Variants in RAVER2 observed in about 807,000 individuals in gnomAD.
RAVER2 encodes ribonucleoprotein, PTB binding 2.
In RAVER2, 46 loss-of-function variants were observed where a neutral mutation model predicts 78.1. That is an observed-to-expected ratio of 0.59 (90% confidence interval 0.46 to 0.75). The LOEUF (loss-of-function observed/expected upper bound fraction) is 0.75. RAVER2 is among the 30% of genes least tolerant of loss of function. The probability of loss-of-function intolerance (pLI) is 0.00; values close to 1 mark genes in which losing one functional copy is unlikely to be tolerated. For missense variants in RAVER2, 793 were observed against 837.5 expected (o/e 0.95, Z 0.66); for synonymous variants, 311 against 313.3 (o/e 0.99, Z 0.08).
chr1:64,787,283 A>G (rs1652807919), intron 4 of RAVER2, among the ~76,000 whole-genome samples: 2 of 152,136 alleles, frequency 1.3e-5, no homozygotes. Context: ...ATGTATGAAT[A>G]TACATTTCCT....
chr1:64,800,232 A>G (rs950039306), intron 5 of RAVER2, among the ~76,000 whole-genome samples: 4 of 151,952 alleles, frequency 2.6e-5, no homozygotes, highest in Admixed American at 2.6e-4. Flanking sequence ...CCATTCTACA[A>G]GTTGTACGTG....
chr1:64,809,541 A>C (rs536086360), intron 9 of RAVER2, among the ~76,000 whole-genome samples: 19 of 150,966 alleles, frequency 1.3e-4, no homozygotes, highest in African/African-American at 3.9e-4. Context: ...TTGGACCCCA[A>C]CTCCAACCTT....
At chr1:64,782,859 T>G (rs1226214771) in intron 4 of RAVER2, among the ~76,000 whole-genome samples, 1 of 152,168 alleles carries the variant, frequency 6.6e-6, no homozygotes, top group East Asian at 1.9e-4. Context: ...TGGGCATTTC[T>G]CCCAATGCTA....
At chr1:64,818,065 C>G (rs1653795753) in intron 11 of RAVER2, among the ~76,000 whole-genome samples, 2 of 152,150 alleles carry the variant, frequency 1.3e-5, no homozygotes, top group Non-Finnish European at 2.9e-5. Flanking sequence ...AGTAATATCT[C>G]AGAGAAACTG....
intron 4 of RAVER2, among the ~76,000 whole-genome samples, chr1:64,782,474 C>T (rs763715670): frequency 1.4e-4 from 21 of 152,234 alleles, no homozygotes; most frequent in African/African-American, 3.9e-4. Context: ...AGTGTGACAA[C>T]GAATGGATGA....
chr1:64,797,754 C>G lies in RAVER2; in HGVS notation c.1106-5222C>G, dbSNP rs534849873. On this transcript the variant is annotated intron_variant, in intron 5 of 11. Coordinates refer to ENST00000294428, the Ensembl canonical transcript of RAVER2. ...ACCAGCTTTTAAAAATTAATATCAC[C>G]GTATCTATCTATATCTATATGTTTA... 2.0e-5 allele frequency among the ~76,000 whole-genome samples: 3 copies of G among 151,928 alleles called. No homozygotes were observed. The South Asian group carries it at 6.3e-4, about 32-fold the overall frequency.
intron 1 of RAVER2, among the ~76,000 whole-genome samples, chr1:64,767,685 A>G (rs986799521): frequency 6.6e-6 from 1 of 152,020 alleles, no homozygotes; most frequent in African/African-American, 2.4e-5. Context: ...TGCATCTGTT[A>G]TGTATTATGA....
intron 2 of RAVER2, among the ~76,000 whole-genome samples, chr1:64,773,491 C>A (rs1303024735): frequency 1.3e-5 from 2 of 152,266 alleles, no homozygotes; most frequent in Admixed American, 1.3e-4. Flanking sequence ...TCATCCATGT[C>A]CCTGCAAAGG....
chr1:64,806,214 C>T (rs1557601515), intron 8 of RAVER2, among the ~76,000 whole-genome samples: 1 of 151,944 alleles, frequency 6.6e-6, no homozygotes, highest in Non-Finnish European at 1.5e-5. Context: ...TTTTATTTGC[C>T]AGCCTGGGCA....
intron 1 of RAVER2, among the ~76,000 whole-genome samples, chr1:64,747,514 C>T (rs1268421651): frequency 9.7e-5 from 14 of 144,140 alleles, no homozygotes; most frequent in Admixed American, 9.1e-4. Flanking sequence ...TTCTTTCTTT[C>T]TTTTTTTTTT....
chr1:64,792,280 C>T (rs1394801203), intron 5 of RAVER2, among the ~76,000 whole-genome samples: 2 of 152,134 alleles, frequency 1.3e-5, no homozygotes, highest in Non-Finnish European at 2.9e-5. Flanking sequence ...TCTGGGTTGT[C>T]CCAAAATATG....
chr1:64,752,703 T>C (rs1227614837), intron 1 of RAVER2, among the ~76,000 whole-genome samples: 1 of 152,160 alleles, frequency 6.6e-6, no homozygotes, highest in Non-Finnish European at 1.5e-5. Context: ...TCGAGAGGGA[T>C]TGGTTAAAGA....
chr1:64,748,278 C>A (rs1036787423), intron 1 of RAVER2, among the ~76,000 whole-genome samples: 8 of 152,226 alleles, frequency 5.3e-5, no homozygotes, highest in African/African-American at 1.4e-4. Context: ...GTTTTCACAG[C>A]CTCAGCTCTG....
chr1:64,789,825 T>A lies in RAVER2; in HGVS notation c.1105+311T>A, dbSNP rs564001424. Among the ~76,000 whole-genome samples the A allele has an allele frequency of 4.6e-5, 7 of 152,326 alleles. No homozygotes were observed. The South Asian group carries it at 1.4e-3, about 32-fold the overall frequency. On this transcript the variant is annotated intron_variant, in intron 5 of 11. Coordinates refer to ENST00000294428, the Ensembl canonical transcript of RAVER2. ...CCAAGGTAAAGGTTAACACACTACA[T>A]TGTTATAACCTATATTAACAAAGAA...
chr1:64,750,102 GAT>G (rs747245085), intron 1 of RAVER2, among the ~76,000 whole-genome samples: 1 of 152,070 alleles, frequency 6.6e-6, no homozygotes, highest in Non-Finnish European at 1.5e-5. Flanking sequence ...TGTCACTTTG[GAT>G]ATTATAAACT....
chr1:64,754,348 A>T (rs551914167), intron 1 of RAVER2, among the ~76,000 whole-genome samples: 95 of 152,328 alleles, frequency 6.2e-4, no homozygotes, highest in African/African-American at 2.2e-3. Context: ...GGCAAGGATC[A>T]TGTTGTGTTT....
intron 4 of RAVER2, among the ~76,000 whole-genome samples, chr1:64,783,891 A>G (rs928103936): frequency 1.3e-5 from 2 of 152,208 alleles, no homozygotes; most frequent in Non-Finnish European, 2.9e-5. Flanking sequence ...TAACCATGCA[A>G]CCGGTTGCCT....
intron 3 of RAVER2, among the ~76,000 whole-genome samples, chr1:64,780,731 AGT>A (rs1377641494): frequency 6.6e-6 from 1 of 152,196 alleles, no homozygotes; most frequent in East Asian, 1.9e-4. Flanking sequence ...CCAGGACTTT[AGT>A]ATCTTCCATT....
chr1:64,768,532 A>AT, intron 1 of RAVER2, 124 bp from the exon 2 acceptor site: 1 of 670,594 alleles, frequency 1.5e-6, no homozygotes, highest in South Asian at 1.7e-5. Flanking sequence ...TCCATGAAAT[A>AT]ATTTTTTTTT....
Sources: allele counts gnomAD v4.1 joint callset (sites outside exome capture counted in the v4.1 genomes callset), GRCh38; gene constraint gnomAD v4.1.1; transcripts MANE v1.5; gene names NCBI Gene and HGNC (gene_info 2026-07-23, HGNC 2026-07-21).